Variants in SLCO1B3 observed in about 807,000 individuals in gnomAD.
SLCO1B3 encodes liver-specific organic anion transporter 2.
Under a neutral mutation model 71.8 loss-of-function variants are expected in SLCO1B3, and 72 were observed. That is an observed-to-expected ratio of 1.00 (90% CI 0.83 to 1.22). The LOEUF is 1.22. SLCO1B3 is among the 50% of genes most tolerant of loss of function. The pLI is 0.00. For missense variants in SLCO1B3, 911 were observed against 819.7 expected, an observed-to-expected ratio of 1.11 and a Z score of -1.36; for synonymous variants, 298 against 278.4, an observed-to-expected ratio of 1.07 and a Z score of -0.70.
intron 5 of SLCO1B3, among the ~76,000 whole-genome samples, chr12:20,859,979 C>T (rs555394005): frequency 1.1e-4 from 14 of 124,394 alleles, no homozygotes; most frequent in Admixed American, 8.7e-4. Context: ...TTTTTTGAGA[C>T]GGAGTCTCGC....
In SLCO1B3 at chr12:20,814,993, T is replaced by C. The variant is rs1173194209; in HGVS notation, c.-65-681T>C. ...TTTCTTTTCTTTTCTTTTTTTTTTT[T>C]TTTGCATTTTTCAACTACATGCATG... On this transcript the variant is annotated intron_variant, in intron 2 of 15. Coordinates refer to ENST00000381545, the MANE Select transcript of SLCO1B3 (RefSeq NM_019844.4). Among the ~76,000 whole-genome samples, 3 of 144,834 alleles carry C rather than the reference T, an allele frequency of 2.1e-5. No individual in the cohort carries two copies. In the South Asian group the frequency reaches 6.7e-4, roughly 32 times the overall value.
chr12:20,900,541 G>C (rs1866108516), intron 14 of SLCO1B3, among the ~76,000 whole-genome samples: 1 of 152,158 alleles, frequency 6.6e-6, no homozygotes, highest in Non-Finnish European at 1.5e-5. Flanking sequence ...ATGCCTCACA[G>C]TCATCGAAAT....
intron 15 of SLCO1B3, among the ~76,000 whole-genome samples, chr12:20,907,623 C>T (rs543321463): frequency 1.3e-5 from 2 of 151,510 alleles, no homozygotes; most frequent in South Asian, 4.2e-4. Flanking sequence ...ATTCTCTTGC[C>T]TCAGCCTCCT....
Position 20,855,046 on chromosome 12 carries a change from T to G in SLCO1B3, c.103T>G (p.Ser35Ala). The G allele has an allele frequency of 6.2e-7, 1 of 1,611,038 alleles. No individual in the cohort carries two copies. Among genetic ancestry groups the G allele is most frequent in the Admixed American group, 1.7e-5 (1 of 59,618 alleles). Residue 35 changes from serine (S) to alanine (A), a missense_variant, in exon 4 of 16, where the codon TCA (serine) becomes GCA (alanine). Physicochemically the swap from Ser to Ala is moderately conservative, Grantham distance 99 (BLOSUM62 1). Coordinates refer to ENST00000381545, the MANE Select transcript of SLCO1B3 (RefSeq NM_019844.4). ...NGFKMFLAALSFSYIAKALGG... is the reference protein window; with the variant it reads ...NGFKMFLAALAFSYIAKALGG... ...TTTTTAGATGTTCTTGGCAGCCCTG[T>G]CATTCAGCTATATTGCTAAAGCACT...
intron 3 of SLCO1B3, among the ~76,000 whole-genome samples, chr12:20,827,860 G>A (rs1186579707): frequency 2.0e-5 from 3 of 152,124 alleles, no homozygotes; most frequent in African/African-American, 7.2e-5. Flanking sequence ...GAGCCACGGT[G>A]CACAAGCTCC....
intron 3 of SLCO1B3, among the ~76,000 whole-genome samples, chr12:20,832,525 G>A (rs1038717706): frequency 6.6e-6 from 1 of 151,504 alleles, no homozygotes; most frequent in Non-Finnish European, 1.5e-5. Flanking sequence ...AAAAGAAAAA[G>A]TCTCCCCTTT....
intron 4 of SLCO1B3, among the ~76,000 whole-genome samples, chr12:20,855,641 C>T (rs1325047787): frequency 1.5e-5 from 2 of 132,238 alleles, no homozygotes; most frequent in Non-Finnish European, 3.3e-5. Flanking sequence ...CTGTGTACAA[C>T]ATTGGGGGTT....
intron 4 of SLCO1B3, among the ~76,000 whole-genome samples, chr12:20,857,611 A>T (rs1315773376): frequency 6.6e-6 from 1 of 151,962 alleles, no homozygotes; most frequent in African/African-American, 2.4e-5. Context: ...GCAACATGCC[A>T]TTTTACCTCT....
rs146186543 is a variant in SLCO1B3, at chr12:20,849,711, T to TCACACACA, written c.85-5290_85-5283dup. On this transcript the variant is annotated intron_variant, in intron 3 of 15. Coordinates refer to ENST00000381545, the MANE Select transcript of SLCO1B3 (RefSeq NM_019844.4). ...TAAAGAAAAATTACATAGTAGAAAA[T>TCACACACA]CACACACACACACACACACACACAC... Among the ~76,000 whole-genome samples the TCACACACA allele has an allele frequency of 5.6e-3, 713 of 126,360 alleles. 7 individuals carry two copies. The highest frequency in any genetic ancestry group is 0.017 in the African/African-American group (666 of 38,286). 82.9% of individuals were successfully genotyped at this position (126,360 alleles called of 152,430 possible).
intron 13 of SLCO1B3, among the ~76,000 whole-genome samples, chr12:20,892,932 T>C (rs985311013): frequency 6.6e-6 from 1 of 152,152 alleles, no homozygotes; most frequent in Middle Eastern, 3.2e-3. Context: ...GATGAAAGCA[T>C]TTTTGCTTGT....
At chr12:20,859,576 T>C (rs563716153) in intron 5 of SLCO1B3, among the ~76,000 whole-genome samples, 1 of 151,880 alleles carries the variant, frequency 6.6e-6, no homozygotes, top group East Asian at 1.9e-4. Flanking sequence ...TTGATTCATT[T>C]TTCTATTTTT....
At chr12:20,839,269 T>TA (rs1864745782) in intron 3 of SLCO1B3, among the ~76,000 whole-genome samples, 1 of 152,076 alleles carries the variant, frequency 6.6e-6, no homozygotes. Context: ...TCTCTGTTTT[T>TA]ATGAAGTTTT....
chr12:20,895,013 A>G (rs1389880180), intron 13 of SLCO1B3, among the ~76,000 whole-genome samples: 1 of 152,190 alleles, frequency 6.6e-6, no homozygotes, highest in East Asian at 1.9e-4. Context: ...CAGGAAAAGT[A>G]CGCATTATAA....
chr12:20,898,886 G>C (rs556146666), intron 14 of SLCO1B3, among the ~76,000 whole-genome samples: 9 of 152,278 alleles, frequency 5.9e-5, no homozygotes, highest in Non-Finnish European at 1.3e-4. Flanking sequence ...CCCTAAAGTA[G>C]CTTGGGAACC....
chr12:20,824,529 TAA>T (rs1273465374), intron 3 of SLCO1B3, among the ~76,000 whole-genome samples: 1 of 152,208 alleles, frequency 6.6e-6, no homozygotes, highest in African/African-American at 2.4e-5. Flanking sequence ...CAGCCATGGT[TAA>T]AGACACCATT....
intron 8 of SLCO1B3, among the ~76,000 whole-genome samples, chr12:20,869,734 C>T (rs1865444845): frequency 1.3e-5 from 2 of 152,126 alleles, no homozygotes; most frequent in Non-Finnish European, 2.9e-5. Flanking sequence ...TTATTCATCT[C>T]TCTGTAGATA....
chr12:20,864,425 A>G (rs993120379), intron 8 of SLCO1B3, among the ~76,000 whole-genome samples: 1 of 152,226 alleles, frequency 6.6e-6, no homozygotes, highest in Non-Finnish European at 1.5e-5. Flanking sequence ...AGATCACTCC[A>G]AAGAGACCAA....
intron 4 of SLCO1B3, among the ~76,000 whole-genome samples, chr12:20,855,865 CCTTTTTCTTTTCACTTTCTAATTATTTG>C (rs1299870336): frequency 6.6e-6 from 1 of 151,542 alleles, no homozygotes; most frequent in Non-Finnish European, 1.5e-5. Context: ...GCTAATTTTC[CCTTTTTCTTTTCACTTTCTAATTATTTG>C]GAGGGACCAC....
chr12:20,892,313 G>A (rs1032313081), intron 13 of SLCO1B3, among the ~76,000 whole-genome samples: 1 of 152,180 alleles, frequency 6.6e-6, no homozygotes, highest in African/African-American at 2.4e-5. Context: ...AGAAAGGGAA[G>A]TGCAACAGTC....
Sources: allele counts gnomAD v4.1 joint callset (sites outside exome capture counted in the v4.1 genomes callset), GRCh38; gene constraint gnomAD v4.1.1; transcripts MANE v1.5; gene names NCBI Gene and HGNC (gene_info 2026-07-23, HGNC 2026-07-21).